CSMD3: variants seen among roughly 807,000 people sequenced by gnomAD.
CSMD3 encodes the protein CUB and sushi domain-containing protein 3.
A neutral mutation model predicts 435.2 loss-of-function variants in CSMD3; 177 were observed. The ratio of observed to expected loss-of-function variants is 0.41; its 90% CI spans 0.36 to 0.46. The LOEUF (loss-of-function observed/expected upper bound fraction) is 0.46, where lower values mean the gene tolerates loss of function less well. Ranked by LOEUF, CSMD3 falls within the 20% of genes least tolerant of loss-of-function variation. The probability of loss-of-function intolerance (pLI) is 0.34; values close to 1 mark genes in which losing one functional copy is unlikely to be tolerated. For synonymous variants in CSMD3, 1,656 were observed against 1,520.5 expected (o/e 1.09, Z -2.07); for missense variants, 4,265 against 4,504.6 (o/e 0.95, Z 1.52).
chr8:112,294,448 T>C (rs1820068384), intron 54 of CSMD3, among the ~76,000 whole-genome samples: 1 of 152,144 alleles, frequency 6.6e-6, no homozygotes, highest in South Asian at 2.1e-4. Context: ...TGGAGATGGA[T>C]ATTATTAGGT....
At chr8:112,989,808 C>T (rs981939160) in intron 6 of CSMD3, among the ~76,000 whole-genome samples, 3 of 151,990 alleles carry the variant, frequency 2.0e-5, no homozygotes, top group African/African-American at 2.4e-5. Flanking sequence ...TCTTGGGATG[C>T]TTTCCTCAAA....
At chr8:113,292,408 G>C (rs188389083) in intron 2 of CSMD3, among the ~76,000 whole-genome samples, 1 of 151,482 alleles carries the variant, frequency 6.6e-6, no homozygotes, top group Non-Finnish European at 1.5e-5. Flanking sequence ...TTTATCATTA[G>C]ATCAACAAAA....
At chr8:112,240,237 G>A (rs189387697) in intron 66 of CSMD3, among the ~76,000 whole-genome samples, 33 of 151,972 alleles carry the variant, frequency 2.2e-4, no homozygotes, top group African/African-American at 6.3e-4. Context: ...CTAACTTTGC[G>A]TTTTAAAATT....
chr8:112,244,249 G>A (rs1814468931), intron 65 of CSMD3, 145 bp downstream of exon 65: 4 of 685,820 alleles, frequency 5.8e-6, no homozygotes, highest in Non-Finnish European at 2.6e-6. Context: ...TCTGGATCCA[G>A]AAGTGTTTAC....
At chr8:113,199,839 G>A (rs539484639) in intron 3 of CSMD3, among the ~76,000 whole-genome samples, 1 of 151,866 alleles carries the variant, frequency 6.6e-6, no homozygotes, top group Admixed American at 6.6e-5. Context: ...ACTTATTAAA[G>A]GTTAGGAAAA....
At chr8:112,526,223 C>T (rs897947233) in intron 27 of CSMD3, among the ~76,000 whole-genome samples, 13 of 151,632 alleles carry the variant, frequency 8.6e-5, no homozygotes, top group Admixed American at 2.0e-4. Context: ...AAAATGTAAA[C>T]GTTTTATTTT....
chr8:113,390,560 T>C (rs949986724), intron 1 of CSMD3, among the ~76,000 whole-genome samples: 1 of 151,832 alleles, frequency 6.6e-6, no homozygotes, highest in Admixed American at 6.6e-5. Flanking sequence ...TGTGAACTCC[T>C]TCAGAAGTTT....
intron 1 of CSMD3, among the ~76,000 whole-genome samples, chr8:113,419,807 T>C (rs2129926721): frequency 6.6e-6 from 1 of 152,238 alleles, no homozygotes; most frequent in Middle Eastern, 3.4e-3. Context: ...TTAGAATGAA[T>C]TCTGAATTCT....
At chr8:112,698,601 G>T (rs73344621) in intron 13 of CSMD3, among the ~76,000 whole-genome samples, 1 of 152,220 alleles carries the variant, frequency 6.6e-6, no homozygotes, top group South Asian at 2.1e-4. Context: ...TGATGGTGGG[G>T]ACATATCAAA....
chr8:112,492,732 C>T (rs1820822663), intron 30 of CSMD3, 49 bp from the exon 31 acceptor site: 1 of 1,438,262 alleles, frequency 7.0e-7, no homozygotes, highest in Non-Finnish European at 9.8e-7. Context: ...ATACAGTTGG[C>T]ACTCCGTAAT....
rs190110210 is a variant in CSMD3 at position 113,003,619 on chromosome 8, T to C, written c.1030+15448A>G. Among the ~76,000 whole-genome samples the C allele has an allele frequency of 7.2e-5, 11 of 152,120 alleles. 1 individual carries two copies. Among genetic ancestry groups the C allele is most frequent in the Admixed American group, 7.2e-4 (11 of 15,246 alleles). The stretch of plus-strand genomic sequence containing the variant: ...GTAGATGGAATACAGAAGGGAGGTT[T>C]TGAGGGAGGCAGAGGAACAAATTCA... On this transcript the variant is annotated intron_variant, in intron 6 of 70. Transcript: ENST00000297405.
At chr8:112,636,375 T>C (rs2074657349) in intron 22 of CSMD3, among the ~76,000 whole-genome samples, 1 of 152,110 alleles carries the variant, frequency 6.6e-6, no homozygotes, top group Admixed American at 6.6e-5. Context: ...GCATGTTAAT[T>C]TTAAGTTATA....
chr8:112,537,406 A>T (rs1826222433), intron 27 of CSMD3, among the ~76,000 whole-genome samples: 1 of 151,884 alleles, frequency 6.6e-6, no homozygotes, highest in African/African-American at 2.4e-5. Context: ...AACAGGAAAA[A>T]AAATTGAGAG....
At chr8:113,150,846 G>A (rs2091788783) in intron 4 of CSMD3, among the ~76,000 whole-genome samples, 1 of 151,930 alleles carries the variant, frequency 6.6e-6, no homozygotes, top group East Asian at 1.9e-4. Context: ...AAACAATTTA[G>A]AACTGACATC....
At chr8:113,263,891 C>T (rs907501793) in intron 3 of CSMD3, among the ~76,000 whole-genome samples, 13 of 151,592 alleles carry the variant, frequency 8.6e-5, no homozygotes, top group African/African-American at 2.4e-5. Context: ...AAATTTGAGG[C>T]TATTATTTTA....
chr8:112,231,140 CAG>C (rs940617021), intron 69 of CSMD3, among the ~76,000 whole-genome samples: 5 of 152,222 alleles, frequency 3.3e-5, no homozygotes, highest in African/African-American at 4.8e-5. Context: ...GTGAGTTTCT[CAG>C]AGTGTCACTA....
chr8:113,431,734 T>G (rs916285562), intron 1 of CSMD3, among the ~76,000 whole-genome samples: 22 of 151,444 alleles, frequency 1.5e-4, no homozygotes, highest in Admixed American at 4.6e-4. Flanking sequence ...TTTCCGCACA[T>G]GAGTACAAAG....
chr8:113,019,560 T>A (rs1208631043), intron 5 of CSMD3, among the ~76,000 whole-genome samples: 1 of 148,922 alleles, frequency 6.7e-6, no homozygotes, highest in East Asian at 1.9e-4. Context: ...TATTTATTAT[T>A]TATTATATAT....
chr8:113,429,850 G>A (rs751218828), intron 1 of CSMD3, among the ~76,000 whole-genome samples: 4 of 151,988 alleles, frequency 2.6e-5, no homozygotes, highest in Non-Finnish European at 5.9e-5. Context: ...TCCTTTCTTG[G>A]CATTTGCGCT....
Sources: allele counts gnomAD v4.1 joint callset (sites outside exome capture counted in the v4.1 genomes callset), GRCh38; gene constraint gnomAD v4.1.1; transcripts MANE v1.5; gene names NCBI Gene and HGNC (gene_info 2026-07-23, HGNC 2026-07-21).